MYH10: variants seen among roughly 807,000 people sequenced by gnomAD.
MYH10 encodes the protein myosin heavy chain 10.
A neutral mutation model predicts 257.8 loss-of-function variants in MYH10; 55 were observed. The ratio of observed to expected loss-of-function variants is 0.21; its 90% CI spans 0.17 to 0.27. MYH10 has a LOEUF of 0.27. Ranked by LOEUF, MYH10 falls within the 10% of genes least tolerant of loss-of-function variation. The pLI, the probability that MYH10 is intolerant of heterozygous loss-of-function variation, is 1.00. For synonymous variants in MYH10, 854 were observed against 921.7 expected (o/e 0.93, Z 1.33); for missense variants, 1,631 against 2,500.6 (o/e 0.65, Z 7.42).
chr17:8,590,808 G>A (rs957471443), intron 3 of MYH10, among the ~76,000 whole-genome samples: 1 of 149,812 alleles, frequency 6.7e-6, no homozygotes, highest in Non-Finnish European at 1.5e-5. Flanking sequence ...CTTTGGCCTC[G>A]ATCCAGCTTC....
At chr17:8,521,817 G>A (rs551320422) in intron 17 of MYH10, among the ~76,000 whole-genome samples, 40 of 152,312 alleles carry the variant, frequency 2.6e-4, no homozygotes, top group African/African-American at 9.1e-4. Flanking sequence ...AATGCAGGAA[G>A]ATTAGATTAC....
rs574993250 is a variant in MYH10 at position 8,477,840 on chromosome 17, C to G, written c.5706+498G>C. On this transcript the variant is annotated intron_variant, in intron 41 of 42. Coordinates refer to ENST00000360416, the MANE Select transcript of MYH10 (RefSeq NM_001256012.3). The surrounding 1 kb of genome is among the most constrained non-coding windows in gnomAD (Gnocchi z 4.2). ...CTGCAATCAGGGCAGGCCTGACCCA[C>G]AGTTCAAAGTCCTGCGGAACATTCC... Among the ~76,000 whole-genome samples, 44 of 152,204 alleles carry G rather than the reference C, an allele frequency of 2.9e-4. No homozygotes were observed. The highest frequency in any genetic ancestry group is 5.6e-4 in the Non-Finnish European group (38 of 68,038).
intron 4 of MYH10, among the ~76,000 whole-genome samples, chr17:8,578,243 C>CTTTT (rs5819199): frequency 5.4e-5 from 7 of 129,216 alleles, no homozygotes; most frequent in African/African-American, 1.2e-4. Context: ...TTCTTTCTTT[C>CTTTT]TTTTTTTTTT....
intron 4 of MYH10, among the ~76,000 whole-genome samples, chr17:8,587,394 CGACT>C (rs1156289003): frequency 1.3e-5 from 2 of 152,110 alleles, no homozygotes; most frequent in South Asian, 2.1e-4. Context: ...ATAACAAAGC[CGACT>C]GACTAACTCT....
intron 25 of MYH10, 129 bp from the exon 26 acceptor site, chr17:8,508,806 CTG>C (rs1231620979): frequency 1.9e-6 from 2 of 1,060,188 alleles, no homozygotes; most frequent in Non-Finnish European, 2.7e-6. Flanking sequence ...CCCCAGCAGA[CTG>C]TACACAATCA....
intron 24 of MYH10, among the ~76,000 whole-genome samples, chr17:8,510,571 C>T (rs1597693112): frequency 6.6e-6 from 1 of 152,024 alleles, no homozygotes; most frequent in African/African-American, 2.4e-5. Flanking sequence ...ACAAAAAGGT[C>T]TTGGTAATTA....
At chr17:8,498,957 T>C (rs922903867) in intron 30 of MYH10, among the ~76,000 whole-genome samples, 1 of 152,248 alleles carries the variant, frequency 6.6e-6, no homozygotes, top group African/African-American at 2.4e-5. Context: ...TTTGGCCCAT[T>C]GTTCCTATTC....
chr17:8,565,608 C>G (rs1199108308), intron 7 of MYH10, among the ~76,000 whole-genome samples: 1 of 152,170 alleles, frequency 6.6e-6, no homozygotes, highest in Non-Finnish European at 1.5e-5. Context: ...AAGAACAATG[C>G]CCTAATAAAA....
At chr17:8,487,352 C>A (rs1171673016) in intron 36 of MYH10, 81 bp downstream of exon 36, 11 of 1,553,170 alleles carry the variant, frequency 7.1e-6, no homozygotes, top group Non-Finnish European at 9.7e-6. Flanking sequence ...CTGTGCCCCC[C>A]AGCTTCACTG....
chr17:8,509,787 G>C (rs758961196), intron 25 of MYH10, 25 bp downstream of exon 25: 1 of 1,580,174 alleles, frequency 6.3e-7, no homozygotes, highest in Non-Finnish European at 8.6e-7. Flanking sequence ...ACTAAAATCA[G>C]CTTTTTGTGG....
chr17:8,608,563 T>C (rs1335118250), intron 2 of MYH10, among the ~76,000 whole-genome samples: 1 of 152,196 alleles, frequency 6.6e-6, no homozygotes, highest in African/African-American at 2.4e-5. Context: ...AGGATGCCTC[T>C]TGGGCAGCTG....
At chr17:8,521,430 A>T (rs2277671) in intron 17 of MYH10, 145 bp from the exon 18 acceptor site, 450,291 of 801,368 alleles carry the variant, frequency 0.56, 128,700 homozygotes, top group Middle Eastern at 0.6. Flanking sequence ...CAGCATACTT[A>T]GGCACTGCAC....
intron 19 of MYH10, among the ~76,000 whole-genome samples, chr17:8,519,910 A>G (rs754966142): frequency 6.6e-6 from 1 of 152,220 alleles, no homozygotes; most frequent in Non-Finnish European, 1.5e-5. Context: ...ATCCATTTCC[A>G]CTGCAAGTTG....
chr17:8,624,407 C>A (rs2085591981), intron 1 of MYH10, among the ~76,000 whole-genome samples: 1 of 152,170 alleles, frequency 6.6e-6, no homozygotes, highest in Non-Finnish European at 1.5e-5. Flanking sequence ...ACTCCAAATT[C>A]CAGGTTATTA....
chr17:8,584,367 G>C (rs547939588), intron 4 of MYH10, among the ~76,000 whole-genome samples: 1 of 152,310 alleles, frequency 6.6e-6, no homozygotes, highest in Non-Finnish European at 1.5e-5. Context: ...AATTAATATA[G>C]AAAGTGTATT....
intron 30 of MYH10, 92 bp downstream of exon 30, chr17:8,499,178 G>T: frequency 1.6e-6 from 2 of 1,274,712 alleles, no homozygotes; most frequent in Non-Finnish European, 2.2e-6. Context: ...ACAGCACATT[G>T]GCCATGGGTC....
At chr17:8,553,670 TA>T (rs1410365917) in intron 8 of MYH10, among the ~76,000 whole-genome samples, 1 of 152,150 alleles carries the variant, frequency 6.6e-6, no homozygotes. Flanking sequence ...CTAACAGCAA[TA>T]GGGGGAGGGC....
intron 13 of MYH10, among the ~76,000 whole-genome samples, chr17:8,544,308 G>A (rs180945650): frequency 5.3e-4 from 80 of 152,006 alleles, no homozygotes; most frequent in Non-Finnish European, 8.8e-5. Flanking sequence ...TTTTGCAGCA[G>A]CACTGTAAAG....
At chr17:8,489,706 A>AACACACACAC (rs200822423) in intron 35 of MYH10, among the ~76,000 whole-genome samples, 1 of 112,888 alleles carries the variant, frequency 8.9e-6, no homozygotes, top group Non-Finnish European at 1.8e-5. Flanking sequence ...TCCGTCTGAA[A>AACACACACAC]AAACACACAC....
Sources: allele counts gnomAD v4.1 joint callset (sites outside exome capture counted in the v4.1 genomes callset), GRCh38; gene constraint gnomAD v4.1.1; non-coding constraint Gnocchi (gnomAD v3.1); transcripts MANE v1.5; gene names NCBI Gene and HGNC (gene_info 2026-07-23, HGNC 2026-07-21).